Variants in PACS1 observed in about 807,000 individuals in gnomAD.
PACS1 encodes the protein phosphofurin acidic cluster sorting protein 1, also known as PACS-1.
Under a neutral mutation model 115.0 loss-of-function variants are expected in PACS1, and 24 were observed. That is an observed-to-expected ratio of 0.21 (90% CI 0.15 to 0.29). The LOEUF is 0.29. PACS1 is among the 10% of genes least tolerant of loss of function. PACS1 has a pLI of 1.00. For missense variants in PACS1, 838 were observed against 1,251.2 expected, an observed-to-expected ratio of 0.67 and a Z score of 4.98; for synonymous variants, 453 against 504.5, an observed-to-expected ratio of 0.90 and a Z score of 1.37.
intron 1 of PACS1, among the ~76,000 whole-genome samples, chr11:66,127,516 GGTGTAAGAAGGCTTCTTCTCT>G (rs2134571376): frequency 6.6e-6 from 1 of 152,308 alleles, no homozygotes; most frequent in East Asian, 1.9e-4. Flanking sequence ...ATGTTGAAGA[GGTGTAAGAAGGCTTCTTCTCT>G]GTGTAACTGG....
At chr11:66,173,157 T>G (rs944109557) in intron 1 of PACS1, among the ~76,000 whole-genome samples, 3 of 151,030 alleles carry the variant, frequency 2.0e-5, no homozygotes, top group African/African-American at 7.3e-5. Context: ...GGTCTTAAAC[T>G]CCTGGGCTCA....
intron 1 of PACS1, among the ~76,000 whole-genome samples, chr11:66,082,515 CA>C (rs912644925): frequency 6.6e-6 from 1 of 151,832 alleles, no homozygotes; most frequent in Non-Finnish European, 1.5e-5. Flanking sequence ...AAAAAACAAA[CA>C]AAAAAACACC....
intron 2 of PACS1, among the ~76,000 whole-genome samples, chr11:66,209,899 G>A (rs977736127): frequency 2.6e-5 from 4 of 151,746 alleles, no homozygotes; most frequent in Non-Finnish European, 4.4e-5. Context: ...AATGAGACTC[G>A]TCTCAAAAAA....
chr11:66,075,802 G>A (rs1273827157), intron 1 of PACS1, among the ~76,000 whole-genome samples: 1 of 148,906 alleles, frequency 6.7e-6, no homozygotes, highest in Non-Finnish European at 1.5e-5. Context: ...GCAGTGGCGC[G>A]ATCTGGCTCA....
intron 1 of PACS1, among the ~76,000 whole-genome samples, chr11:66,141,133 A>AT (rs1006693801): frequency 6.6e-6 from 1 of 152,140 alleles, no homozygotes; most frequent in African/African-American, 2.4e-5. Context: ...GCAATGTTCT[A>AT]TTTTATGAAG....
chr11:66,216,459 C>G, intron 5 of PACS1, 61 bp from the exon 6 acceptor site: 1 of 1,505,158 alleles, frequency 6.6e-7, no homozygotes, highest in Non-Finnish European at 9.2e-7. Flanking sequence ...TCCAGCCCAT[C>G]GAAGTTTCTT....
At chr11:66,226,621 C>T (rs1217445472) in intron 10 of PACS1, among the ~76,000 whole-genome samples, 2 of 152,166 alleles carry the variant, frequency 1.3e-5, no homozygotes, top group African/African-American at 4.8e-5. Context: ...ATCCTTGTTC[C>T]ATAGTTTACT....
Position 66,235,143 on chromosome 11 carries a change from G to T in PACS1, c.2105-158G>T, listed in dbSNP as rs1337354871. Among the ~76,000 whole-genome samples the T allele has an allele frequency of 6.6e-6, 1 of 152,148 alleles. No individual in the cohort carries two copies. The highest frequency in any genetic ancestry group is 2.4e-5 in the African/African-American group (1 of 41,424). ...TTGGAAGGGAGAGGACCATCCTTGG[G>T]CTCATGATTCCTTCAAACCAGAAGG... On this transcript the variant is annotated intron_variant, in intron 17 of 23. Coordinates refer to ENST00000320580, the MANE Select transcript of PACS1 (RefSeq NM_018026.4). This position sits in a 1 kb window ranked among gnomAD's most constrained non-coding sequence, Gnocchi z 5.6.
chr11:66,197,183 A>G (rs2134678718), intron 2 of PACS1, among the ~76,000 whole-genome samples: 1 of 152,276 alleles, frequency 6.6e-6, no homozygotes, highest in South Asian at 2.1e-4. Context: ...AATGTATCCA[A>G]GAGATGCAGG....
chr11:66,140,035 C>T (rs541348816), intron 1 of PACS1, among the ~76,000 whole-genome samples: 6 of 152,292 alleles, frequency 3.9e-5, no homozygotes, highest in South Asian at 2.1e-4. Context: ...CCTTTACCCA[C>T]GTACTGAATC....
intron 1 of PACS1, among the ~76,000 whole-genome samples, chr11:66,112,715 G>C (rs557115259): frequency 1.3e-5 from 2 of 152,144 alleles, no homozygotes; most frequent in African/African-American, 2.4e-5. Context: ...GAGTTGTAGT[G>C]AACTGAGAGT....
chr11:66,088,933 T>C (rs1184691572), intron 1 of PACS1, among the ~76,000 whole-genome samples: 1 of 152,244 alleles, frequency 6.6e-6, no homozygotes, highest in Non-Finnish European at 1.5e-5. Context: ...AGCATATAAG[T>C]ATTCTGTACT....
At chr11:66,117,751 CA>C (rs1858337435) in intron 1 of PACS1, among the ~76,000 whole-genome samples, 1 of 151,646 alleles carries the variant, frequency 6.6e-6, no homozygotes, top group East Asian at 1.9e-4. Flanking sequence ...GAGGCTGAGG[CA>C]GGAGAATTGC....
chr11:66,167,736 T>G (rs548381717), intron 1 of PACS1, among the ~76,000 whole-genome samples: 4 of 150,276 alleles, frequency 2.7e-5, no homozygotes, highest in African/African-American at 1.0e-4. Context: ...TTTCCTTTTT[T>G]GCATTTCATA....
chr11:66,072,433 T>C (rs990428945), intron 1 of PACS1, among the ~76,000 whole-genome samples: 1 of 152,232 alleles, frequency 6.6e-6, no homozygotes, highest in African/African-American at 2.4e-5. Flanking sequence ...TCGCAGGGTA[T>C]AGATCTGGGA....
chr11:66,155,759 A>C (rs1395453661), intron 1 of PACS1, among the ~76,000 whole-genome samples: 1 of 152,204 alleles, frequency 6.6e-6, no homozygotes, highest in Non-Finnish European at 1.5e-5. Flanking sequence ...ATGAAAACGC[A>C]GAGGCTTCTC....
rs1245100544 is a variant in PACS1, at chr11:66,210,526, AC to A, written c.534+76del. On this transcript the variant is annotated intron_variant, in intron 3 of 23. Coordinates refer to ENST00000320580, the MANE Select transcript of PACS1 (RefSeq NM_018026.4). ...CCCCAGACAGTCCTCTAACCCAGAG[AC>A]TGTTTTATCCCAGAGCCCCCATTCC... 2.8e-6 allele frequency: 3 copies of A among 1,084,338 alleles called. No homozygotes were observed. In the Admixed American group the frequency reaches 5.2e-5, roughly 19 times the overall value. 67.2% of individuals were successfully genotyped at this position (1,084,338 alleles called of 1,614,324 possible).
intron 1 of PACS1, among the ~76,000 whole-genome samples, chr11:66,165,568 T>C (rs879478219): frequency 6.6e-6 from 1 of 152,162 alleles, no homozygotes; most frequent in Non-Finnish European, 1.5e-5. Flanking sequence ...CAAACTTGCA[T>C]GTCCTGACTT....
intron 1 of PACS1, among the ~76,000 whole-genome samples, chr11:66,148,209 C>T (rs1396943700): frequency 6.6e-6 from 1 of 152,090 alleles, no homozygotes; most frequent in Non-Finnish European, 1.5e-5. Context: ...GGCTAGAGTG[C>T]AGTGGTGTGA....
Sources: allele counts gnomAD v4.1 joint callset (sites outside exome capture counted in the v4.1 genomes callset), GRCh38; gene constraint gnomAD v4.1.1; non-coding constraint Gnocchi (gnomAD v3.1); transcripts MANE v1.5; gene names NCBI Gene and HGNC (gene_info 2026-07-23, HGNC 2026-07-21).